The following OSBPL1A variants were observed in gnomAD, a reference collection of about 807,000 sequenced individuals.
OSBPL1A encodes the protein oxysterol-binding protein-related protein 1.
Under a neutral mutation model 137.1 loss-of-function variants are expected in OSBPL1A, and 80 were observed. The observed-to-expected ratio is 0.58, with a 90% CI of 0.49 to 0.70. The LOEUF is 0.70. OSBPL1A is among the 30% of genes least tolerant of loss of function. OSBPL1A has a pLI of 0.00. For synonymous variants in OSBPL1A, 365 were observed against 389.7 expected, an observed-to-expected ratio of 0.94 and a Z score of 0.75; for missense variants, 970 against 1,129.4, an observed-to-expected ratio of 0.86 and a Z score of 2.02.
At chr18:24,280,239 C>T (rs1324348661) in intron 15 of OSBPL1A, among the ~76,000 whole-genome samples, 1 of 152,176 alleles carries the variant, frequency 6.6e-6, no homozygotes, top group African/African-American at 2.4e-5. Context: ...GCCACCACGC[C>T]TGGCCTAATT....
intron 15 of OSBPL1A, among the ~76,000 whole-genome samples, chr18:24,259,560 G>A (rs931207600): frequency 2.6e-5 from 4 of 152,074 alleles, no homozygotes; most frequent in South Asian, 2.1e-4. Flanking sequence ...TCCAGCTGAC[G>A]AAAATTTGAC....
At chr18:24,197,839 G>A (rs985262452) in intron 17 of OSBPL1A, among the ~76,000 whole-genome samples, 3 of 146,588 alleles carry the variant, frequency 2.0e-5, no homozygotes, top group Admixed American at 6.9e-5. Flanking sequence ...CGAGGCTGGA[G>A]TGCAGTGGTG....
At chr18:24,269,440 T>C (rs1023321873) in intron 15 of OSBPL1A, among the ~76,000 whole-genome samples, 3 of 152,160 alleles carry the variant, frequency 2.0e-5, no homozygotes, top group Non-Finnish European at 2.9e-5. Context: ...ATTTATTTAG[T>C]CACCTGACGC....
intron 4 of OSBPL1A, among the ~76,000 whole-genome samples, chr18:24,342,008 T>A (rs2091281174): frequency 6.6e-6 from 1 of 152,218 alleles, no homozygotes; most frequent in Non-Finnish European, 1.5e-5. Flanking sequence ...TGAAGATCAT[T>A]CCTCTAAGGC....
At chr18:24,311,573 A>G (rs1003409961) in intron 13 of OSBPL1A, 182 of 877,568 alleles carry the variant, frequency 2.1e-4, no homozygotes, top group Middle Eastern at 5.7e-4. Context: ...GTGGTTTTAA[A>G]GGAAACCTAC....
chr18:24,169,442 G>A (rs1567914918), intron 24 of OSBPL1A, among the ~76,000 whole-genome samples: 1 of 152,206 alleles, frequency 6.6e-6, no homozygotes, highest in Non-Finnish European at 1.5e-5. Context: ...GCCAGTCCGA[G>A]GAAGTACTTT....
At chr18:24,318,080 A>C (rs2090769105) in intron 9 of OSBPL1A, among the ~76,000 whole-genome samples, 1 of 152,130 alleles carries the variant, frequency 6.6e-6, no homozygotes, top group Non-Finnish European at 1.5e-5. Flanking sequence ...CCAAAAAAAC[A>C]CCTAAAAGGG....
At chr18:24,374,745 TGA>T (rs1905951884) in intron 2 of OSBPL1A, among the ~76,000 whole-genome samples, 1 of 152,048 alleles carries the variant, frequency 6.6e-6, no homozygotes, top group Non-Finnish European at 1.5e-5. Context: ...CAAGCCAACA[TGA>T]GAGTCTCCTG....
intron 14 of OSBPL1A, among the ~76,000 whole-genome samples, chr18:24,282,287 A>G (rs1469051843): frequency 6.6e-6 from 1 of 152,228 alleles, no homozygotes; most frequent in Non-Finnish European, 1.5e-5. Context: ...TCCTTTGTAG[A>G]TAAGTAATTT....
At chr18:24,230,408 TTTATG>T (rs1470796139) in intron 16 of OSBPL1A, among the ~76,000 whole-genome samples, 2 of 152,148 alleles carry the variant, frequency 1.3e-5, no homozygotes, top group Non-Finnish European at 2.9e-5. Context: ...CGTTGGAAAG[TTTATG>T]TTATGTATAT....
In OSBPL1A at chr18:24,239,255, A is replaced by G; in HGVS notation, c.1409T>C (p.Ile470Thr). The G allele has an allele frequency of 1.2e-6, 2 of 1,614,110 alleles. No homozygotes were observed. Among genetic ancestry groups the G allele is most frequent in the Non-Finnish European group, 1.7e-6 (2 of 1,179,994 alleles). The change falls in exon 16 of 28, where the codon ATC (isoleucine) becomes ACC (threonine). Residue 470 changes from isoleucine to threonine, a missense_variant. Transcript: ENST00000319481. ...SLVKGSPPAS[I>T]LSEDEFYDAL... ...ATCATAGAACTCGTCCTCGCTAAGG[A>G]TGCTGGCGGGTGGAGAGCCTTTCAC...
At chr18:24,256,544 T>G (rs2089279690) in intron 15 of OSBPL1A, among the ~76,000 whole-genome samples, 1 of 152,184 alleles carries the variant, frequency 6.6e-6, no homozygotes, top group Non-Finnish European at 1.5e-5. Context: ...GACTTTCCTT[T>G]AAGATATGGA....
At chr18:24,221,371 G>A (rs926731356) in intron 17 of OSBPL1A, among the ~76,000 whole-genome samples, 5 of 152,090 alleles carry the variant, frequency 3.3e-5, no homozygotes, top group African/African-American at 1.2e-4. Flanking sequence ...GCAATCACCT[G>A]GGGTCCTAAT....
chr18:24,287,772 AAAAATAAAATAAAATAAAAT>A (rs56768879), intron 14 of OSBPL1A, among the ~76,000 whole-genome samples: 3 of 136,174 alleles, frequency 2.2e-5, no homozygotes, highest in East Asian at 3.9e-4. Context: ...ACTCTGTCTC[AAAAATAAAATAAAATAAAAT>A]AAAATAAAAT....
chr18:24,368,038 T>TA lies in OSBPL1A; in HGVS notation c.207+248dup, dbSNP rs1905286344. 1.4e-5 allele frequency: 4 copies of TA among 288,534 alleles called. No homozygotes were observed. In the Admixed American group the frequency reaches 1.9e-4, roughly 14 times the overall value. 17.9% of individuals were successfully genotyped at this position (288,534 alleles called of 1,614,324 possible). A position where few individuals can be genotyped will look rare whatever the true frequency, so the allele number is the denominator to read the frequency against. ...GAACTGAAAATAAAATCTTCATTAATATGCCTACTTTTATTATTTTTAAAA... is the reference window on the plus strand; with the variant it reads ...GAACTGAAAATAAAATCTTCATTAATAATGCCTACTTTTATTATTTTTAAAA... On this transcript the variant is annotated intron_variant, in intron 3 of 27. Transcript: ENST00000319481.
At chr18:24,256,126 G>C (rs2089266841) in intron 15 of OSBPL1A, among the ~76,000 whole-genome samples, 1 of 152,080 alleles carries the variant, frequency 6.6e-6, no homozygotes, top group Admixed American at 6.6e-5. Flanking sequence ...ACCTGTCTCA[G>C]ATTTTTGAAT....
At chr18:24,377,906 A>G (rs1906313005) in intron 1 of OSBPL1A, among the ~76,000 whole-genome samples, 1 of 152,218 alleles carries the variant, frequency 6.6e-6, no homozygotes, top group Non-Finnish European at 1.5e-5. Flanking sequence ...AAAGGAAAAA[A>G]CAAAATTAGA....
At chr18:24,392,704 T>G (rs1907444189) in intron 1 of OSBPL1A, among the ~76,000 whole-genome samples, 1 of 152,186 alleles carries the variant, frequency 6.6e-6, no homozygotes, top group Non-Finnish European at 1.5e-5. Context: ...GTTAGCTGCT[T>G]TTTTGAAACA....
chr18:24,200,762 G>C (rs2087196696), intron 17 of OSBPL1A, among the ~76,000 whole-genome samples: 1 of 151,788 alleles, frequency 6.6e-6, no homozygotes, highest in Non-Finnish European at 1.5e-5. Flanking sequence ...GTCAAGAACA[G>C]ACAAAAAATA....
Sources: allele counts gnomAD v4.1 joint callset (sites outside exome capture counted in the v4.1 genomes callset), GRCh38; gene constraint gnomAD v4.1.1; transcripts MANE v1.5; gene names NCBI Gene and HGNC (gene_info 2026-07-23, HGNC 2026-07-21).